Variants in FBXL17 observed in about 807,000 individuals in gnomAD.
FBXL17 encodes the protein F-box and leucine rich repeat protein 17, also known as F-box/LRR-repeat protein 17.
In FBXL17, 22 loss-of-function variants were observed where a neutral mutation model predicts 66.2. That is an observed-to-expected ratio of 0.33 (90% CI 0.24 to 0.47). The LOEUF (loss-of-function observed/expected upper bound fraction) is 0.47, where lower values mean the gene tolerates loss of function less well. FBXL17 is among the 20% of genes least tolerant of loss of function. The pLI, the probability that FBXL17 is intolerant of heterozygous loss-of-function variation, is 1.00. For missense variants in FBXL17, 878 were observed against 948.2 expected (o/e 0.93, Z 0.97); for synonymous variants, 474 against 400.5 (o/e 1.18, Z -2.19).
intron 7 of FBXL17, among the ~76,000 whole-genome samples, chr5:107,954,186 T>C (rs185016560): frequency 6.0e-4 from 91 of 152,348 alleles, no homozygotes; most frequent in African/African-American, 2.1e-3. Flanking sequence ...AAAGAACATT[T>C]TATTTAATAT....
At chr5:107,990,893 G>A (rs1753214163) in intron 7 of FBXL17, among the ~76,000 whole-genome samples, 1 of 151,924 alleles carries the variant, frequency 6.6e-6, no homozygotes, top group Non-Finnish European at 1.5e-5. Flanking sequence ...GACTTCCGGA[G>A]GCGAATTACC....
intron 6 of FBXL17, among the ~76,000 whole-genome samples, chr5:108,120,923 A>T (rs1053533696): frequency 6.6e-6 from 1 of 152,220 alleles, no homozygotes; most frequent in Non-Finnish European, 1.5e-5. Context: ...TATTTTTTTT[A>T]TAAAAAAAGA....
At chr5:108,325,456 G>A (rs1580819185) in intron 4 of FBXL17, among the ~76,000 whole-genome samples, 1 of 151,974 alleles carries the variant, frequency 6.6e-6, no homozygotes, top group East Asian at 1.9e-4. Flanking sequence ...TTGATCTTAA[G>A]AATAAATGGA....
chr5:108,180,348 T>TA (rs1188098551), intron 6 of FBXL17, among the ~76,000 whole-genome samples: 2 of 151,878 alleles, frequency 1.3e-5, no homozygotes, highest in African/African-American at 2.4e-5. Flanking sequence ...CCGTCTCTAC[T>TA]AAAAACACAA....
At chr5:107,883,290 GT>G (rs1371928724) in intron 7 of FBXL17, among the ~76,000 whole-genome samples, 2 of 152,196 alleles carry the variant, frequency 1.3e-5, no homozygotes, top group Non-Finnish European at 2.9e-5. Flanking sequence ...TCACAAGATA[GT>G]AAGTGGGGGA....
At chr5:108,163,622 C>T (rs546353175) in intron 6 of FBXL17, among the ~76,000 whole-genome samples, 29 of 152,034 alleles carry the variant, frequency 1.9e-4, no homozygotes, top group Non-Finnish European at 3.1e-4. Context: ...AGGATGGTCT[C>T]GATCTCCCGA....
chr5:108,244,988 T>C (rs1365653358), intron 4 of FBXL17, among the ~76,000 whole-genome samples: 1 of 152,142 alleles, frequency 6.6e-6, no homozygotes, highest in Non-Finnish European at 1.5e-5. Flanking sequence ...ATACTCAAAA[T>C]TAGGCTTTGT....
intron 6 of FBXL17, among the ~76,000 whole-genome samples, chr5:108,072,664 C>A (rs751819409): frequency 1.3e-5 from 2 of 152,158 alleles, no homozygotes; most frequent in African/African-American, 4.8e-5. Flanking sequence ...GCCGAGATTG[C>A]GCCACTGCAC....
At chr5:107,984,974 T>G (rs1423175979) in intron 7 of FBXL17, among the ~76,000 whole-genome samples, 3 of 152,206 alleles carry the variant, frequency 2.0e-5, no homozygotes, top group African/African-American at 7.2e-5. Context: ...TCAGAATGAA[T>G]TAGTATGGTG....
At chr5:107,953,198 C>G (rs1053847465) in intron 7 of FBXL17, among the ~76,000 whole-genome samples, 1 of 151,890 alleles carries the variant, frequency 6.6e-6, no homozygotes, top group Non-Finnish European at 1.5e-5. Flanking sequence ...GTCAGGAGAT[C>G]GAGACCATCC....
chr5:108,376,919 G>C (rs1358023482), intron 1 of FBXL17, among the ~76,000 whole-genome samples: 5 of 151,968 alleles, frequency 3.3e-5, no homozygotes, highest in African/African-American at 1.2e-4. Context: ...ACCGCACCTG[G>C]CCACCAGTGT....
At chr5:108,100,615 T>C (rs1389635540) in intron 6 of FBXL17, among the ~76,000 whole-genome samples, 1 of 152,216 alleles carries the variant, frequency 6.6e-6, no homozygotes, top group Non-Finnish European at 1.5e-5. Context: ...AAAATATGCT[T>C]TAGAAGAACT....
chr5:108,214,452 C>G (rs1041986070), intron 5 of FBXL17, among the ~76,000 whole-genome samples: 1 of 151,296 alleles, frequency 6.6e-6, no homozygotes, highest in Non-Finnish European at 1.5e-5. Context: ...ACTGCAACCT[C>G]CACCTCCCGG....
At chr5:108,219,308 T>C (rs1461390512) in intron 5 of FBXL17, among the ~76,000 whole-genome samples, 2 of 48 alleles carry the variant, frequency 0.042, no homozygotes, top group Non-Finnish European at 0.071. Context: ...TTCAAGTTAT[T>C]ATTTCTTCTT....
chr5:107,888,772 T>C (rs1459608317), intron 7 of FBXL17, among the ~76,000 whole-genome samples: 4 of 152,200 alleles, frequency 2.6e-5, no homozygotes, highest in Non-Finnish European at 5.9e-5. Context: ...CTTGGGGCTA[T>C]TACAGATAAT....
intron 6 of FBXL17, among the ~76,000 whole-genome samples, chr5:108,118,726 C>T (rs1292300795): frequency 6.6e-6 from 1 of 152,172 alleles, no homozygotes; most frequent in Non-Finnish European, 1.5e-5. Flanking sequence ...ATCCATAGTC[C>T]TTCATGCTCC....
At chr5:108,190,002 G>C (rs574098698) in intron 5 of FBXL17, among the ~76,000 whole-genome samples, 3 of 152,284 alleles carry the variant, frequency 2.0e-5, no homozygotes, top group East Asian at 1.9e-4. Flanking sequence ...CCAGGCAGAG[G>C]ACACAGCTAA....
intron 6 of FBXL17, among the ~76,000 whole-genome samples, chr5:108,163,349 G>A (rs568009729): frequency 7.3e-4 from 110 of 150,442 alleles, no homozygotes; most frequent in Non-Finnish European, 1.4e-3. Context: ...ACAAATACAC[G>A]AAAATGGGCT....
chr5:108,358,909 T>C, intron 3 of FBXL17, among the ~76,000 whole-genome samples: 1 of 152,074 alleles, frequency 6.6e-6, no homozygotes. Flanking sequence ...TGTTAAGAGA[T>C]GGGGTCTTGC....
Sources: allele counts gnomAD v4.1 joint callset (sites outside exome capture counted in the v4.1 genomes callset), GRCh38; gene constraint gnomAD v4.1.1; transcripts MANE v1.5; gene names NCBI Gene and HGNC (gene_info 2026-07-23, HGNC 2026-07-21).